The following ST13 variants were observed in gnomAD, a reference collection of about 807,000 sequenced individuals.
ST13 encodes ST13 Hsp70 interacting protein.
A neutral mutation model predicts 56.7 loss-of-function variants in ST13; 23 were observed. That is an observed-to-expected ratio of 0.41 (90% confidence interval 0.29 to 0.57). The LOEUF (loss-of-function observed/expected upper bound fraction) is 0.57, where lower values mean the gene tolerates loss of function less well. Among genes scored for constraint, ST13 ranks in the 20% least tolerant of loss-of-function variants. The probability of loss-of-function intolerance (pLI) is 0.36; values close to 1 mark genes in which losing one functional copy is unlikely to be tolerated. For synonymous variants in ST13, 132 were observed against 142.4 expected, an observed-to-expected ratio of 0.93 and a Z score of 0.52; for missense variants, 369 against 459.9, an observed-to-expected ratio of 0.80 and a Z score of 1.81.
At chr22:40,828,853 T>C (rs1186183488) in intron 10 of ST13, among the ~76,000 whole-genome samples, 1 of 152,152 alleles carries the variant, frequency 6.6e-6, no homozygotes, top group East Asian at 1.9e-4. Context: ...TTTGAAAAAT[T>C]AGTGCCTACC....
In ST13 at chr22:40,844,877, T is replaced by C. The variant is rs756611329; in HGVS notation, c.277A>G (p.Thr93Ala). 37 of 1,613,570 alleles carry C rather than the reference T, an allele frequency of 2.3e-5. 1 individual carries two copies. The South Asian group carries it at 3.7e-4, about 16-fold the overall frequency. The change falls in exon 4 of 12, where the codon ACT becomes GCT. Residue 93 changes from threonine to alanine, a missense_variant. Coordinates refer to ENST00000216218, the MANE Select transcript of ST13 (RefSeq NM_003932.5). The part of the protein sequence containing the change: ...IDKEGVIEPD[T>A]DAPQEMGDEN... ...TCTCCCATTTCTTGAGGAGCATCAG[T>C]GTCTGGTTCAATCACACCTTCTTTA...
intron 7 of ST13, among the ~76,000 whole-genome samples, chr22:40,833,727 C>T (rs1242681661): frequency 6.6e-6 from 1 of 151,810 alleles, no homozygotes; most frequent in Non-Finnish European, 1.5e-5. Context: ...AAAAATTTGC[C>T]ACACATGGTA....
chr22:40,835,329 T>C (rs943761340), intron 7 of ST13: 1 of 353,244 alleles, frequency 2.8e-6, no homozygotes, highest in African/African-American at 2.1e-5. Flanking sequence ...AAAATGAAAA[T>C]ACTTTTTATT....
chr22:40,829,662 TG>T lies in ST13; in HGVS notation c.810del (p.Arg271AspfsTer85). 6.7e-7 allele frequency: 1 copy of T among 1,488,710 alleles called. No individual in the cohort carries two copies. The highest frequency in any genetic ancestry group is 9.1e-7 in the Non-Finnish European group (1 of 1,103,728). 92.2% of individuals were successfully genotyped at this position (1,488,710 alleles called of 1,614,324 possible). On this transcript the variant is annotated frameshift_variant, in exon 10 of 12. Coordinates refer to ENST00000216218, the MANE Select transcript of ST13 (RefSeq NM_003932.5). LOFTEE classifies it high-confidence loss of function. Reference protein sequence around the residue: ...EHERAQREEEARRQSGAQYGS... With the variant: ...EHERAQREEEXRRQSGAQYGS... ...CCATACTGAGCTCCTGACTGTCGTC[TG>T]GCTTCTTCCTCCTTTGATACAAAAG...
At chr22:40,832,749 A>C in intron 7 of ST13, 78 bp from the exon 8 acceptor site, 1 of 1,132,284 alleles carries the variant, frequency 8.8e-7, no homozygotes, top group South Asian at 1.3e-5. Context: ...CTTCCTTACA[A>C]AAAAGGATTG....
At chr22:40,840,024 C>T (rs1337405217) in intron 5 of ST13, among the ~76,000 whole-genome samples, 5 of 151,878 alleles carry the variant, frequency 3.3e-5, no homozygotes, top group Non-Finnish European at 7.4e-5. Flanking sequence ...GTGGTACGCG[C>T]TTGTAATCCC....
rs58339014 is a variant in ST13, at chr22:40,837,292, C to A, written c.383-1405G>T. ...TAAATGTCTAATAAACAACTCAGACCTACCATGTTCAAAACCTAAATTTTT... is the reference window on the plus strand; with the variant it reads ...TAAATGTCTAATAAACAACTCAGACATACCATGTTCAAAACCTAAATTTTT... On this transcript the variant is annotated intron_variant, in intron 5 of 11. Coordinates refer to ENST00000216218, the MANE Select transcript of ST13 (RefSeq NM_003932.5). Among the ~76,000 whole-genome samples, 1,332 of 152,232 alleles carry A rather than the reference C, an allele frequency of 8.7e-3. 18 individuals carry two copies. Among genetic ancestry groups the A allele is most frequent in the African/African-American group, 0.031 (1,290 of 41,540 alleles).
At chr22:40,850,711 A>G in intron 2 of ST13, 112 bp downstream of exon 2, 1 of 774,056 alleles carries the variant, frequency 1.3e-6, no homozygotes, top group Non-Finnish European at 2.1e-6. Flanking sequence ...CTTATTTCCA[A>G]GTGATCTTGG....
At chr22:40,845,730 T>TAC (rs141527495) in intron 3 of ST13, among the ~76,000 whole-genome samples, 6,797 of 151,256 alleles carry the variant, frequency 0.045, 478 homozygotes, top group African/African-American at 0.15. Context: ...TATATATATA[T>TAC]ACACACACAC....
intron 4 of ST13, among the ~76,000 whole-genome samples, chr22:40,842,076 G>T (rs2057807365): frequency 6.6e-6 from 1 of 152,130 alleles, no homozygotes; most frequent in Non-Finnish European, 1.5e-5. Context: ...GAGATTAAAA[G>T]AACTTCCCCT....
chr22:40,844,079 C>T (rs2057818813), intron 4 of ST13, among the ~76,000 whole-genome samples: 1 of 151,944 alleles, frequency 6.6e-6, no homozygotes, highest in Non-Finnish European at 1.5e-5. Flanking sequence ...GACGGGGTTT[C>T]ACCATGTTGG....
intron 1 of ST13, among the ~76,000 whole-genome samples, chr22:40,854,756 A>G (rs1194042582): frequency 6.6e-6 from 1 of 152,206 alleles, no homozygotes; most frequent in African/African-American, 2.4e-5. Context: ...GAATTTTAGA[A>G]AGAATTTATT....
intron 3 of ST13, 105 bp downstream of exon 3, chr22:40,848,189 C>T (rs941237803): frequency 2.7e-5 from 20 of 728,860 alleles, no homozygotes; most frequent in East Asian, 2.6e-4. Context: ...TTCATATGTG[C>T]CATTATATTT....
At chr22:40,854,632 T>G (rs2057879367) in intron 1 of ST13, 1 of 152,218 alleles carries the variant, frequency 6.6e-6, no homozygotes, top group African/African-American at 2.4e-5. Context: ...CTTCTGTGTC[T>G]CCTCTTCCTC....
At chr22:40,855,673 T>G (rs1195663578) in intron 1 of ST13, among the ~76,000 whole-genome samples, 1 of 152,212 alleles carries the variant, frequency 6.6e-6, no homozygotes, top group Non-Finnish European at 1.5e-5. Context: ...ATAGTAAATA[T>G]CAAAACGAAC....
Position 40,835,674 on chromosome 22 carries a change from A to T in ST13, c.468-4T>A. 1 of 1,612,346 alleles carries T rather than the reference A, an allele frequency of 6.2e-7. No homozygotes were observed. The highest frequency in any genetic ancestry group is 8.5e-7 in the Non-Finnish European group (1 of 1,178,366). ...CTTCTGTAATTTGACGAAGACACTG[A>T]AAAATAAGTGTGTTATTAAAAAGTA... is the stretch of plus-strand genomic sequence containing the variant. On this transcript the variant is annotated splice_region_variant and splice_polypyrimidine_tract_variant and intron_variant, in intron 6 of 11. Transcript: ENST00000216218.
At position 40,827,162 on chromosome 22, in the gene ST13, A is replaced by G; in HGVS notation, c.915T>C (p.Pro305=). ...TGAGTCCAGGCATTCCAGCCATTCC[A>G]GGCATGCCCCCTCCCATTCCAGGCA... is the stretch of plus-strand genomic sequence containing the variant. ...GGMPGMGGGM[P]GMAGMPGLNE... The change falls in exon 11 of 12, where the codon CCT becomes CCC. Residue 305 remains proline (P), a synonymous_variant. Transcript: ENST00000216218. The G allele has an allele frequency of 1.2e-6, 2 of 1,612,702 alleles. No homozygotes were observed. The highest frequency in any genetic ancestry group is 1.7e-6 in the Non-Finnish European group (2 of 1,179,982).
chr22:40,828,330 C>T (rs945934346), intron 10 of ST13, among the ~76,000 whole-genome samples: 1 of 152,016 alleles, frequency 6.6e-6, no homozygotes, highest in South Asian at 2.1e-4. Context: ...GATGGCTGGG[C>T]GTGGTGGCTC....
At chr22:40,830,362 G>A (rs979083175) in intron 9 of ST13, among the ~76,000 whole-genome samples, 1 of 152,082 alleles carries the variant, frequency 6.6e-6, no homozygotes, top group African/African-American at 2.4e-5. Flanking sequence ...ATCACACTAT[G>A]TTGCCCAGGC....
Sources: gnomAD v4.1 joint callset for allele counts (sites outside exome capture counted in the v4.1 genomes callset) on GRCh38, gnomAD v4.1.1 for gene constraint, MANE v1.5 for transcripts, NCBI Gene and HGNC (gene_info 2026-07-23, HGNC 2026-07-21) for gene names.